Variants in MYH11 observed in about 807,000 individuals in gnomAD.
MYH11 encodes the protein myosin heavy chain 11, also known as myosin-11.
Under a neutral mutation model 246.6 loss-of-function variants are expected in MYH11, and 80 were observed. The ratio of observed to expected loss-of-function variants is 0.32; its 90% CI spans 0.27 to 0.39. MYH11 has a LOEUF of 0.39. MYH11 is among the 10% of genes least tolerant of loss of function. The probability of loss-of-function intolerance (pLI) is 1.00; values close to 1 mark genes in which losing one functional copy is unlikely to be tolerated. For synonymous variants in MYH11, 1,071 were observed against 1,015.5 expected, an observed-to-expected ratio of 1.05 and a Z score of -1.04; for missense variants, 2,158 against 2,546.8, an observed-to-expected ratio of 0.85 and a Z score of 3.29.
In MYH11 at chr16:15,814,410, G is replaced by A. The variant is rs144618444; in HGVS notation, c.502+8845C>T. On this transcript the variant is annotated intron_variant, in intron 3 of 40. Transcript: ENST00000300036. ...TCTATTTAAAATACAAAAATTAGCC[G>A]GGTGTGGTGGCGGATGCCTGTAATC... Among the ~76,000 whole-genome samples, 819 of 151,636 alleles carry A rather than the reference G, an allele frequency of 5.4e-3. 2 individuals are homozygous for A. Among genetic ancestry groups the A allele is most frequent in the African/African-American group, 0.012 (512 of 41,330 alleles).
intron 4 of MYH11, among the ~76,000 whole-genome samples, chr16:15,789,904 T>C (rs1207455667): frequency 1.3e-5 from 2 of 152,276 alleles, no homozygotes; most frequent in East Asian, 3.9e-4. Context: ...ACACTCTTCA[T>C]GCTGACAAAC....
At chr16:15,847,828 G>A (rs566712812) in intron 1 of MYH11, among the ~76,000 whole-genome samples, 1 of 152,312 alleles carries the variant, frequency 6.6e-6, no homozygotes, top group Non-Finnish European at 1.5e-5. Flanking sequence ...CAGCAAGATG[G>A]GGGATGAGAA....
At chr16:15,737,082 A>G (rs142865059) in intron 25 of MYH11, among the ~76,000 whole-genome samples, 2,223 of 152,194 alleles carry the variant, frequency 0.015, 44 homozygotes, top group African/African-American at 0.044. Flanking sequence ...AAGGAAGGTC[A>G]TTCCCGCCTT....
chr16:15,711,184 G>A (rs571217771), intron 40 of MYH11: 1 of 152,346 alleles, frequency 6.6e-6, no homozygotes, highest in South Asian at 2.1e-4. Flanking sequence ...CTTCTCAGAG[G>A]GGTTTGGACT....
chr16:15,756,376 T>C lies in MYH11; in HGVS notation c.1714A>G (p.Lys572Glu). Residue 572 changes from lysine (K) to glutamate (E), a missense_variant, in exon 14 of 41, where the codon AAG (lysine) becomes GAG (glutamate). Around this residue, in one of 11 missense-constraint regions of MYH11, gnomAD observed 317 missense variants for 507.7 expected, o/e 0.62. Transcript: ENST00000300036. ...KFQKPKQLKD[K>E]TEFSIIHYAG... Reference sequence around the variant, plus strand: ...TAATGGATGATGGAGAACTCAGTCTTGTCCTTGAGCTGCTTGGGCTTCTGG... The same window carrying C: ...TAATGGATGATGGAGAACTCAGTCTCGTCCTTGAGCTGCTTGGGCTTCTGG... 1 of 1,614,190 alleles carries C rather than the reference T, an allele frequency of 6.2e-7. No homozygotes were observed. Among genetic ancestry groups the C allele is most frequent in the East Asian group, 2.2e-5 (1 of 44,874 alleles).
intron 25 of MYH11, 149 bp from the exon 26 acceptor site, chr16:15,735,727 T>C: frequency 1.3e-6 from 1 of 780,436 alleles, no homozygotes; most frequent in Middle Eastern, 3.0e-4. Flanking sequence ...CTTCTTGACA[T>C]GCCAGACTAT....
intron 34 of MYH11, 21 bp from the exon 35 acceptor site, chr16:15,719,734 G>T (rs777078617): frequency 6.2e-7 from 1 of 1,613,916 alleles, no homozygotes; most frequent in Admixed American, 1.7e-5. Context: ...CAACAGGGAG[G>T]ACAAGCTCAG....
chr16:15,773,021 A>G (rs940171211), intron 8 of MYH11, among the ~76,000 whole-genome samples: 8 of 152,160 alleles, frequency 5.3e-5, no homozygotes, highest in African/African-American at 1.9e-4. Flanking sequence ...GTAATAATAA[A>G]GTGCACAGTA....
Position 15,741,675 on chromosome 16 carries a change from C to T in MYH11, c.2653-6G>A, listed in dbSNP as rs200637980. 8.7e-5 allele frequency: 140 copies of T among 1,613,818 alleles called. No individual in the cohort carries two copies. Among genetic ancestry groups the T allele is most frequent in the Admixed American group, 1.8e-4 (11 of 60,014 alleles). On this transcript the variant is annotated splice_region_variant and splice_polypyrimidine_tract_variant and intron_variant, in intron 21 of 40. Transcript: ENST00000300036. The stretch of plus-strand genomic sequence containing the variant: ...AGGTTCTTCTCCTCGGTCAGCTGCA[C>T]GCAGGTGGTGGGGAGGAGGCGGGTG...
chr16:15,751,615 T>A (rs1182426846), intron 15 of MYH11, among the ~76,000 whole-genome samples: 2 of 145,252 alleles, frequency 1.4e-5, no homozygotes, highest in African/African-American at 2.6e-5. Flanking sequence ...CAATCTTTTT[T>A]TTTTTTTTTT....
intron 40 of MYH11, chr16:15,713,194 G>T (rs1450861839): frequency 6.6e-6 from 1 of 152,054 alleles, no homozygotes; most frequent in Non-Finnish European, 1.5e-5. Context: ...GAACAAGAGG[G>T]TCGGGTCCAA....
At position 15,803,466 on chromosome 16, in the gene MYH11, G is replaced by A. The variant is rs550677748; in HGVS notation, c.503-4779C>T. On this transcript the variant is annotated intron_variant, in intron 3 of 40. Transcript: ENST00000300036. Reference sequence around the variant, plus strand: ...TAATTTTTCTATTTTTTGTAGAGACGGGGTTTCACCATGTTGGCCAGGCTG... The same window carrying A: ...TAATTTTTCTATTTTTTGTAGAGACAGGGTTTCACCATGTTGGCCAGGCTG... 4.0e-5 allele frequency among the ~76,000 whole-genome samples: 6 copies of A among 151,846 alleles called. No individual in the cohort carries two copies. In the East Asian group the frequency reaches 9.9e-4, roughly 25 times the overall value.
intron 36 of MYH11, 86 bp downstream of exon 36, chr16:15,719,134 A>T: frequency 1.4e-6 from 2 of 1,399,982 alleles, no homozygotes; most frequent in South Asian, 2.4e-5. Flanking sequence ...TCTCGAAAAA[A>T]TTTAAAAAAT....
chr16:15,765,695 C>T (rs1267610627), intron 9 of MYH11, among the ~76,000 whole-genome samples: 1 of 152,168 alleles, frequency 6.6e-6, no homozygotes, highest in Non-Finnish European at 1.5e-5. Flanking sequence ...CCTGGCCCAG[C>T]TCAGCAAAAG....
chr16:15,734,308 T>TG (rs1461419112), intron 26 of MYH11, among the ~76,000 whole-genome samples: 2 of 151,898 alleles, frequency 1.3e-5, no homozygotes, highest in East Asian at 3.9e-4. Flanking sequence ...TTTTTGTTTT[T>TG]TTTTGAGATG....
At chr16:15,736,610 G>T (rs904861174) in intron 25 of MYH11, among the ~76,000 whole-genome samples, 13 of 152,288 alleles carry the variant, frequency 8.5e-5, no homozygotes, top group African/African-American at 2.2e-4. Flanking sequence ...TCCTGCCCCA[G>T]AGAGATGCTT....
At chr16:15,816,918 C>A (rs969326753) in intron 3 of MYH11, among the ~76,000 whole-genome samples, 4 of 151,910 alleles carry the variant, frequency 2.6e-5, no homozygotes, top group African/African-American at 9.7e-5. Flanking sequence ...AAAATAAAAA[C>A]CAATTTTTTA....
chr16:15,807,652 C>T (rs2043045356), intron 3 of MYH11, among the ~76,000 whole-genome samples: 1 of 152,108 alleles, frequency 6.6e-6, no homozygotes, highest in African/African-American at 2.4e-5. Context: ...CGGCCATCAT[C>T]AGGACCCGCC....
rs756234437 is a variant in MYH11, at chr16:15,747,882, T to C, written c.2242A>G (p.Ile748Val). 1 of 1,613,670 alleles carries C rather than the reference T, an allele frequency of 6.2e-7. No homozygotes were observed. Among genetic ancestry groups the C allele is most frequent in the South Asian group, 1.1e-5 (1 of 91,046 alleles). Residue 748 changes from isoleucine (I) to valine (V), a missense_variant, in exon 18 of 41, where the codon ATT becomes GTT. By Grantham distance (29) the Ile-to-Val change is conservative (BLOSUM62 3). This residue lies in a region of MYH11 where 56 missense variants were observed against 47.2 expected (regional missense o/e 1.19). Coordinates refer to ENST00000300036, the MANE Select transcript of MYH11 (RefSeq NM_002474.3). ...TGGACTTCTGGGCTCACCATGAGAA[T>C]GCAGGCCTGCTTCCCGTCCATGAAG... ...KGFMDGKQACILMIKALELDP... is the reference protein window; with the variant it reads ...KGFMDGKQACVLMIKALELDP...
Sources: allele counts gnomAD v4.1 joint callset (sites outside exome capture counted in the v4.1 genomes callset), GRCh38; gene constraint gnomAD v4.1.1; regional missense constraint gnomAD v4.1.1; transcripts MANE v1.5; gene names NCBI Gene and HGNC (gene_info 2026-07-23, HGNC 2026-07-21).